The following GRM7 variants were observed in gnomAD, a reference collection of about 807,000 sequenced individuals.
GRM7 encodes the protein metabotropic glutamate receptor 7.
GRM7 carries 35 observed loss-of-function variants against 84.5 expected under a neutral mutation model. That is an observed-to-expected ratio of 0.41 (90% CI 0.32 to 0.55). GRM7 has a LOEUF of 0.55. Among genes scored for constraint, GRM7 ranks in the 20% least tolerant of loss-of-function variants. GRM7 has a pLI of 0.19. For missense variants in GRM7, 1,003 were observed against 1,194.6 expected (o/e 0.84, Z 2.36); for synonymous variants, 487 against 455.1 (o/e 1.07, Z -0.89).
chr3:6,998,957 A>G (rs1694919699), intron 1 of GRM7, among the ~76,000 whole-genome samples: 1 of 152,146 alleles, frequency 6.6e-6, no homozygotes, highest in Non-Finnish European at 1.5e-5. Context: ...CATTCTCCTC[A>G]TTGCCTTGGT....
intron 9 of GRM7, among the ~76,000 whole-genome samples, chr3:7,702,475 A>G (rs1701261431): frequency 6.6e-6 from 1 of 152,244 alleles, no homozygotes; most frequent in African/African-American, 2.4e-5. Flanking sequence ...CACTAGTCAT[A>G]AACATTTTAA....
At chr3:7,370,995 T>G (rs1326394652) in intron 4 of GRM7, among the ~76,000 whole-genome samples, 1 of 152,206 alleles carries the variant, frequency 6.6e-6, no homozygotes, top group East Asian at 1.9e-4. Context: ...GTTATCTGTA[T>G]ATGTTGCTAA....
chr3:7,570,383 G>A (rs1455299490), intron 7 of GRM7, among the ~76,000 whole-genome samples: 1 of 152,202 alleles, frequency 6.6e-6, no homozygotes, highest in Non-Finnish European at 1.5e-5. Flanking sequence ...TTACTTCGTA[G>A]ATACAATGGG....
At chr3:7,660,321 T>C (rs1169403626) in intron 8 of GRM7, among the ~76,000 whole-genome samples, 1 of 152,210 alleles carries the variant, frequency 6.6e-6, no homozygotes, top group African/African-American at 2.4e-5. Context: ...GAAGCTTTCT[T>C]GGCAAAAACA....
chr3:7,666,631 T>C (rs1395864715), intron 8 of GRM7, among the ~76,000 whole-genome samples: 2 of 152,158 alleles, frequency 1.3e-5, no homozygotes, highest in Non-Finnish European at 2.9e-5. Flanking sequence ...TTAAAAATGG[T>C]AGCCACTGGT....
chr3:7,141,318 A>C (rs1421065143), intron 1 of GRM7, among the ~76,000 whole-genome samples: 1 of 151,992 alleles, frequency 6.6e-6, no homozygotes, highest in Non-Finnish European at 1.5e-5. Flanking sequence ...GAGATAACAA[A>C]ATGAATATTT....
At chr3:7,657,171 T>C (rs1430289016) in intron 8 of GRM7, among the ~76,000 whole-genome samples, 2 of 152,190 alleles carry the variant, frequency 1.3e-5, no homozygotes, top group Non-Finnish European at 2.9e-5. Flanking sequence ...AAAATACCCT[T>C]GTTGTAGTGG....
rs144843439 is a variant in GRM7 at position 7,142,962 on chromosome 3, T to G, written c.520-3490T>G. Among the ~76,000 whole-genome samples, 598 of 152,190 alleles carry G rather than the reference T, an allele frequency of 3.9e-3. 6 individuals are homozygous for G. Among genetic ancestry groups the G allele is most frequent in the African/African-American group, 0.014 (565 of 41,518 alleles). Reference sequence around the variant, plus strand: ...GTCCTGTGATACAGATTAAAAATATTTTAGTTTTCTAAGTTCAAGAAAAAA... The same window carrying G: ...GTCCTGTGATACAGATTAAAAATATGTTAGTTTTCTAAGTTCAAGAAAAAA... On this transcript the variant is annotated intron_variant, in intron 1 of 9. Transcript: ENST00000357716.
At chr3:7,359,688 C>G (rs1262877378) in intron 4 of GRM7, among the ~76,000 whole-genome samples, 5 of 147,968 alleles carry the variant, frequency 3.4e-5, no homozygotes, top group Non-Finnish European at 7.4e-5. Context: ...CTTTTCTGTT[C>G]TCTTTCATTT....
chr3:7,530,758 G>C (rs1372122338), intron 7 of GRM7, among the ~76,000 whole-genome samples: 1 of 149,952 alleles, frequency 6.7e-6, no homozygotes, highest in African/African-American at 2.4e-5. Flanking sequence ...AGGAGTGTCT[G>C]TTCTTATCTT....
chr3:7,216,669 CTAT>C (rs1379917978), intron 2 of GRM7, among the ~76,000 whole-genome samples: 1 of 152,180 alleles, frequency 6.6e-6, no homozygotes, highest in Admixed American at 6.5e-5. Context: ...AAACTGTTCT[CTAT>C]TATTGCATAC....
At chr3:6,872,590 C>G (rs12495366) in intron 1 of GRM7, among the ~76,000 whole-genome samples, 4 of 152,096 alleles carry the variant, frequency 2.6e-5, no homozygotes, top group Admixed American at 2.6e-4. Context: ...TTAGGTATTT[C>G]TCCTAATGCT....
chr3:7,596,075 G>C (rs1696028416), intron 8 of GRM7, among the ~76,000 whole-genome samples: 1 of 152,208 alleles, frequency 6.6e-6, no homozygotes, highest in Non-Finnish European at 1.5e-5. Flanking sequence ...GGTAGCCTGG[G>C]CTGGAGGAAT....
chr3:7,029,911 A>C (rs1696128378), intron 1 of GRM7, among the ~76,000 whole-genome samples: 3 of 152,216 alleles, frequency 2.0e-5, no homozygotes. Flanking sequence ...ATTTATGTAT[A>C]ATATCTAAGC....
intron 1 of GRM7, among the ~76,000 whole-genome samples, chr3:6,991,144 C>T (rs1305421731): frequency 1.3e-5 from 2 of 152,172 alleles, no homozygotes; most frequent in Admixed American, 6.5e-5. Flanking sequence ...CCTTAGTTTA[C>T]TCCCATTGTG....
At chr3:7,664,113 G>A (rs1192446925) in intron 8 of GRM7, among the ~76,000 whole-genome samples, 1 of 152,036 alleles carries the variant, frequency 6.6e-6, no homozygotes, top group African/African-American at 2.4e-5. Flanking sequence ...AATCTACAAG[G>A]GTATGTAAAA....
chr3:7,102,940 C>T lies in GRM7; in HGVS notation c.520-43512C>T, dbSNP rs146278544. On this transcript the variant is annotated intron_variant, in intron 1 of 9. Transcript: ENST00000357716. The stretch of plus-strand genomic sequence containing the variant: ...TATAGTTTTATCTGCTGATATTCTC[C>T]ATCTCTTTGCTTATTTGACCATCTT... 6.9e-3 allele frequency among the ~76,000 whole-genome samples: 1,046 copies of T among 151,546 alleles called. 37 individuals are homozygous for T. The highest frequency in any genetic ancestry group is 0.062 in the Admixed American group (935 of 15,118).
intron 1 of GRM7, among the ~76,000 whole-genome samples, chr3:7,059,167 A>G (rs1412875852): frequency 1.3e-5 from 2 of 149,308 alleles, no homozygotes; most frequent in Non-Finnish European, 3.0e-5. Context: ...TACATTTTAC[A>G]TATATATATA....
chr3:7,302,218 C>G (rs930334825), intron 3 of GRM7, among the ~76,000 whole-genome samples: 19 of 151,954 alleles, frequency 1.3e-4, no homozygotes, highest in African/African-American at 3.9e-4. Context: ...CCTGCAATTC[C>G]AGCACTCAGA....
Sources: gnomAD v4.1 joint callset for allele counts (sites outside exome capture counted in the v4.1 genomes callset) on GRCh38, gnomAD v4.1.1 for gene constraint, MANE v1.5 for transcripts, NCBI Gene and HGNC (gene_info 2026-07-23, HGNC 2026-07-21) for gene names.